The following NRROS variants were observed in gnomAD, a reference collection of about 807,000 sequenced individuals.
NRROS encodes negative regulator of reactive oxygen species, also known as transforming growth factor beta activator LRRC33.
A neutral mutation model predicts 12.0 loss-of-function variants in NRROS; 6 were observed. The ratio of observed to expected loss-of-function variants is 0.50; its 90% CI spans 0.27 to 0.98. The LOEUF (loss-of-function observed/expected upper bound fraction) is 0.98. NRROS is among the 50% of genes least tolerant of loss of function. The pLI, the probability that NRROS is intolerant of heterozygous loss-of-function variation, is 0.11. For synonymous variants in NRROS, 462 were observed against 410.2 expected, an observed-to-expected ratio of 1.13 and a Z score of -1.53; for missense variants, 857 against 888.2, an observed-to-expected ratio of 0.96 and a Z score of 0.45.
rs1737672667 is a variant in NRROS at position 196,661,296 on chromosome 3, C to T, written c.1653C>T (p.Phe551=). 1.2e-6 allele frequency: 2 copies of T among 1,610,900 alleles called. No homozygotes were observed. Among genetic ancestry groups the T allele is most frequent in the Non-Finnish European group, 1.7e-6 (2 of 1,178,366 alleles). The part of the protein sequence containing the change: ...LDLSGNCLTT[F]PRFGGSLALE... ...TGTCGGGGAATTGCTTGACCACCTT[C>T]CCAAGGTTTGGGGGCAGCCTGGCCC... is the stretch of plus-strand genomic sequence containing the variant. Residue 551 remains phenylalanine (F), a synonymous_variant, in exon 3 of 3, where the codon TTC becomes TTT. Transcript: ENST00000328557.
chr3:196,654,960 G>A lies in NRROS; in HGVS notation c.108+313G>A, dbSNP rs1028995006. ...TTAAAAATCTGGATGATTCAGGCCG[G>A]GTGCAGTGGCTCAGGCCTGTAATCC... On this transcript the variant is annotated intron_variant, in intron 2 of 2. Transcript: ENST00000328557. This position sits in a 1 kb window ranked among gnomAD's most constrained non-coding sequence, Gnocchi z 4.4. 3.5e-6 allele frequency: 1 copy of A among 289,318 alleles called. No individual in the cohort carries two copies. The allele number at this position is 289,318 out of a possible 1,614,324, so 17.9% of individuals were successfully genotyped here.
At chr3:196,657,960 G>GA (rs367781983) in intron 2 of NRROS, among the ~76,000 whole-genome samples, 1 of 151,730 alleles carries the variant, frequency 6.6e-6, no homozygotes, top group African/African-American at 2.4e-5. Flanking sequence ...ACTTGATCCT[G>GA]AAAAAAAACG....
In NRROS at chr3:196,660,531, G is replaced by A. The variant is rs1304189641; in HGVS notation, c.888G>A (p.Pro296=). Reference sequence around the variant, plus strand: ...GGGACCTGTACAACACCTCGTCGCCGAGGGAGATGGTGGCCCAGTTCCTCC... The same window carrying A: ...GGGACCTGTACAACACCTCGTCGCCAAGGGAGATGGTGGCCCAGTTCCTCC... ...FYRDLYNTSS[P]REMVAQFLLV... The change falls in exon 3 of 3, where the codon CCG becomes CCA. Residue 296 remains proline (P), a synonymous_variant. Coordinates refer to ENST00000328557, the MANE Select transcript of NRROS (RefSeq NM_198565.3). The surrounding 1 kb of genome is among the most constrained non-coding windows in gnomAD (Gnocchi z 7.7). 1 of 1,614,094 alleles carries A rather than the reference G, an allele frequency of 6.2e-7. No individual in the cohort carries two copies. Among genetic ancestry groups the A allele is most frequent in the Non-Finnish European group, 8.5e-7 (1 of 1,180,010 alleles).
chr3:196,652,185 T>C (rs75028388), intron 1 of NRROS, among the ~76,000 whole-genome samples: 1,836 of 152,332 alleles, frequency 0.012, 47 homozygotes, highest in African/African-American at 0.042. Context: ...ATGTTTTACA[T>C]ATCTAGTTGG....
At chr3:196,659,176 CT>C (rs1456292360) in intron 2 of NRROS, among the ~76,000 whole-genome samples, 1 of 152,118 alleles carries the variant, frequency 6.6e-6, no homozygotes, top group Non-Finnish European at 1.5e-5. Context: ...AGGAAAAGCA[CT>C]GAACTGGGCA....
In NRROS at chr3:196,660,781, G is replaced by A. The variant is rs151204768; in HGVS notation, c.1138G>A (p.Glu380Lys). Residue 380 changes from glutamate (E) to lysine (K), a missense_variant, in exon 3 of 3, where the codon GAG (glutamate) becomes AAG (lysine). Glu to Lys is a moderately conservative substitution (Grantham distance 56, BLOSUM62 1). Coordinates refer to ENST00000328557, the MANE Select transcript of NRROS (RefSeq NM_198565.3). The surrounding 1 kb of genome is among the most constrained non-coding windows in gnomAD (Gnocchi z 7.7). Reference sequence around the variant, plus strand: ...GCACGAGCCCCCCGGAGCGCTCACCGAGCTGGACCTGAGCCACAACCAGCT... The same window carrying A: ...GCACGAGCCCCCCGGAGCGCTCACCAAGCTGGACCTGAGCCACAACCAGCT... ...REHEPPGALT[E>K]LDLSHNQLSE... 1.9e-6 allele frequency: 3 copies of A among 1,613,584 alleles called. No homozygotes were observed. Among genetic ancestry groups the A allele is most frequent in the East Asian group, 2.2e-5 (1 of 44,874 alleles).
rs754970722 is a variant in NRROS, at chr3:196,661,535, C to T, written c.1892C>T (p.Thr631Met). Residue 631 changes from threonine (T) to methionine (M), a missense_variant, in exon 3 of 3, where the codon ACG becomes ATG. Thr to Met is a moderately conservative substitution (Grantham distance 81, BLOSUM62 -1). Coordinates refer to ENST00000328557, the MANE Select transcript of NRROS (RefSeq NM_198565.3). ...CTCTCCTCCAAGATCATCCGCGTGACGGAGCTGCCCGGAGGTGTGCCTCGG... is the reference window on the plus strand; with the variant it reads ...CTCTCCTCCAAGATCATCCGCGTGATGGAGCTGCCCGGAGGTGTGCCTCGG... ...CNLSSKIIRV[T>M]ELPGGVPRDC... The T allele has an allele frequency of 9.3e-6, 15 of 1,613,666 alleles. No individual in the cohort carries two copies. The highest frequency in any genetic ancestry group is 1.7e-5 in the Admixed American group (1 of 60,002).
At position 196,661,993 on chromosome 3, in the gene NRROS, T is replaced by C; in HGVS notation, c.*271T>C. On this transcript the variant is annotated 3_prime_UTR_variant, in exon 3 of 3. Transcript: ENST00000328557. ...AAAGGCAACGTGTCTCATAAATATT[T>C]TTTAAATTAAATGCAGCTTGTGTTT... 1 of 324,916 alleles carries C rather than the reference T, an allele frequency of 3.1e-6. No individual in the cohort carries two copies. The highest frequency in any genetic ancestry group is 5.0e-5 in the East Asian group (1 of 19,832). The allele number at this position is 324,916 out of a possible 1,614,324, so 20.1% of individuals were successfully genotyped here.
At position 196,661,486 on chromosome 3, in the gene NRROS, G is replaced by T; in HGVS notation, c.1843G>T (p.Asp615Tyr). 6.2e-7 allele frequency: 1 copy of T among 1,607,360 alleles called. No homozygotes were observed. Among genetic ancestry groups the T allele is most frequent in the Non-Finnish European group, 8.5e-7 (1 of 1,175,130 alleles). ...GALQHGQTVA[D>Y]WAMVTCNLSS... ...CCTGCAGCATGGGCAGACGGTGGCC[G>T]ACTGGGCCATGGTCACCTGCAACCT... Residue 615 changes from aspartate (D) to tyrosine (Y), a missense_variant, in exon 3 of 3, where the codon GAC becomes TAC. By Grantham distance (160) the Asp-to-Tyr change is radical (BLOSUM62 -3). Transcript: ENST00000328557.
In NRROS at chr3:196,641,140, A is replaced by AAAAAC. The variant is rs141716665; in HGVS notation, c.-14+1294_-14+1298dup. ...ACCTTAACTCCTGCCTTTAGGTTAA[A>AAAAAC]AAAACAAAACAAAACAAAACAAAAC... On this transcript the variant is annotated intron_variant, in intron 1 of 2. Coordinates refer to ENST00000328557, the MANE Select transcript of NRROS (RefSeq NM_198565.3). 8.0e-3 allele frequency among the ~76,000 whole-genome samples: 1,211 copies of AAAAAC among 150,450 alleles called. 13 individuals carry two copies. The highest frequency in any genetic ancestry group is 0.025 in the African/African-American group (1,007 of 40,790).
intron 1 of NRROS, among the ~76,000 whole-genome samples, chr3:196,648,910 C>T (rs1737360281): frequency 6.6e-6 from 1 of 152,082 alleles, no homozygotes; most frequent in Non-Finnish European, 1.5e-5. Context: ...AAGACTGACT[C>T]TTGAGAAGTC....
rs902455425 is a variant in NRROS at position 196,661,696 on chromosome 3, C to T, written c.2053C>T (p.Arg685Cys). ...GCCTCTGCTTCAGGTCATCAAGAGCCGCTGCCACTGGTCCTCCGTTTACTG... is the reference window on the plus strand; with the variant it reads ...GCCTCTGCTTCAGGTCATCAAGAGCTGCTGCCACTGGTCCTCCGTTTACTG... ...KKPLLQVIKSRCHWSSVY is the reference protein window; with the variant it reads ...KKPLLQVIKSCCHWSSVY The change falls in exon 3 of 3, where the codon CGC becomes TGC. Residue 685 changes from arginine to cysteine, a missense_variant. Transcript: ENST00000328557. 20 of 1,594,858 alleles carry T rather than the reference C, an allele frequency of 1.3e-5. No individual in the cohort carries two copies. Among genetic ancestry groups the T allele is most frequent in the African/African-American group, 5.3e-5 (4 of 74,810 alleles).
Position 196,657,621 on chromosome 3 carries a change from C to T in NRROS, c.109-2131C>T, listed in dbSNP as rs145518165. On this transcript the variant is annotated intron_variant, in intron 2 of 2. Coordinates refer to ENST00000328557, the MANE Select transcript of NRROS (RefSeq NM_198565.3). ...ACGTGGGAGGCTAAGGCAGCAGAAT[C>T]GCTTGAACCCGGCAGGCAGAGGTTG... Among the ~76,000 whole-genome samples the T allele has an allele frequency of 2.0e-4, 31 of 151,352 alleles. 1 individual carries two copies. The East Asian group carries it at 4.1e-3, about 20-fold the overall frequency.
intron 1 of NRROS, among the ~76,000 whole-genome samples, chr3:196,651,921 C>T (rs924215295): frequency 2.0e-5 from 3 of 152,168 alleles, no homozygotes; most frequent in Non-Finnish European, 4.4e-5. Context: ...TGTCTGACCT[C>T]CCAGGAGGAG....
chr3:196,661,708 T>G lies in NRROS; in HGVS notation c.2065T>G (p.Ser689Ala), dbSNP rs1157385638. ...GGTCATCAAGAGCCGCTGCCACTGG[T>G]CCTCCGTTTACTGACCTGGCTGTGT... ...LQVIKSRCHW[S>A]SVY The change falls in exon 3 of 3, where the codon TCC (serine) becomes GCC (alanine). Residue 689 changes from serine to alanine, a missense_variant. Coordinates refer to ENST00000328557, the MANE Select transcript of NRROS (RefSeq NM_198565.3). 2 of 1,591,620 alleles carry G rather than the reference T, an allele frequency of 1.3e-6. No individual in the cohort carries two copies. Among genetic ancestry groups the G allele is most frequent in the Non-Finnish European group, 1.7e-6 (2 of 1,173,384 alleles).
Position 196,661,909 on chromosome 3 carries a change from A to C in NRROS, c.*187A>C. 2.4e-6 allele frequency: 1 copy of C among 416,020 alleles called. No individual in the cohort carries two copies. Among genetic ancestry groups the C allele is most frequent in the Non-Finnish European group, 4.0e-6 (1 of 248,424 alleles). 25.8% of individuals were successfully genotyped at this position (416,020 alleles called of 1,614,324 possible). On this transcript the variant is annotated 3_prime_UTR_variant, in exon 3 of 3. Transcript: ENST00000328557. ...CCACCGCCCAAGTTCTTTTTCCATC[A>C]TTATAATTCATCCTCATTATCTTGG...
intron 2 of NRROS, among the ~76,000 whole-genome samples, chr3:196,657,002 G>A (rs984553669): frequency 6.6e-6 from 1 of 151,572 alleles, no homozygotes; most frequent in Non-Finnish European, 1.5e-5. Flanking sequence ...TCAGGAGTTT[G>A]AGACCAGCCT....
In NRROS at chr3:196,654,292, C is replaced by T. The variant is rs1183078177; in HGVS notation, c.-13-235C>T. Among the ~76,000 whole-genome samples, 4 of 152,168 alleles carry T rather than the reference C, an allele frequency of 2.6e-5. No homozygotes were observed. In the East Asian group the frequency reaches 5.8e-4, roughly 22 times the overall value. On this transcript the variant is annotated intron_variant, in intron 1 of 2. Coordinates refer to ENST00000328557, the MANE Select transcript of NRROS (RefSeq NM_198565.3). The surrounding 1 kb of genome is among the most constrained non-coding windows in gnomAD (Gnocchi z 4.4). ...CGCTGAAGTTTAGTGTTCAGCCACCCGTCCATCAAGTGGTAGAGGCAAAAT... is the reference window on the plus strand; with the variant it reads ...CGCTGAAGTTTAGTGTTCAGCCACCTGTCCATCAAGTGGTAGAGGCAAAAT...
At chr3:196,652,456 C>T (rs1314533137) in intron 1 of NRROS, among the ~76,000 whole-genome samples, 3 of 152,168 alleles carry the variant, frequency 2.0e-5, no homozygotes, top group Non-Finnish European at 4.4e-5. Context: ...TTCTCTGAGT[C>T]TTGGAGACTT....
Sources: gnomAD v4.1 joint callset for allele counts (sites outside exome capture counted in the v4.1 genomes callset) on GRCh38, gnomAD v4.1.1 for gene constraint, Gnocchi (gnomAD v3.1) non-coding constraint, MANE v1.5 for transcripts, NCBI Gene and HGNC (gene_info 2026-07-23, HGNC 2026-07-21) for gene names.